TRIQK: variants seen among roughly 807,000 people sequenced by gnomAD.
TRIQK encodes the protein triple QxxK/R motif containing.
TRIQK carries 10 observed loss-of-function variants against 10.8 expected under a neutral mutation model. The observed-to-expected ratio is 0.92, with a 90% confidence interval of 0.57 to 1.57. TRIQK has a LOEUF of 1.57. TRIQK is among the 40% of genes most tolerant of loss of function. The pLI, the probability that TRIQK is intolerant of heterozygous loss-of-function variation, is 0.00. For synonymous variants in TRIQK, 33 were observed against 33.7 expected (o/e 0.98, Z 0.07); for missense variants, 107 against 97.7 (o/e 1.09, Z -0.40).
chr8:92,918,777 C>CT (rs917215014), intron 2 of TRIQK, among the ~76,000 whole-genome samples: 2 of 130,724 alleles, frequency 1.5e-5, no homozygotes, highest in Non-Finnish European at 1.7e-5. Flanking sequence ...GAGATCTTAC[C>CT]CCCCCCCACA....
chr8:92,892,179 G>C, intron 3 of TRIQK, 105 bp from the exon 4 acceptor site: 1 of 798,742 alleles, frequency 1.3e-6, no homozygotes, highest in Non-Finnish European at 1.9e-6. Flanking sequence ...ACAGGGACAC[G>C]GAGTTGCAAA....
upstream of TRIQK, among the ~76,000 whole-genome samples, chr8:92,970,913 G>A (rs1209800455): frequency 9.2e-5 from 14 of 152,052 alleles, no homozygotes; most frequent in Admixed American, 9.2e-4. Context: ...TTCTTCTAGG[G>A]TTTTTATAGT....
chr8:92,997,258 CTG>C (rs1813161709), intron 1 of TRIQK, among the ~76,000 whole-genome samples: 1 of 151,984 alleles, frequency 6.6e-6, no homozygotes, highest in Admixed American at 6.6e-5. Context: ...GGAATTCAGA[CTG>C]TGCATAGGAA....
intron 2 of TRIQK, among the ~76,000 whole-genome samples, chr8:92,951,232 A>G (rs971030053): frequency 2.6e-5 from 4 of 152,104 alleles, no homozygotes; most frequent in Non-Finnish European, 5.9e-5. Flanking sequence ...TACTAAAAAA[A>G]TCTATGATCT....
intron 3 of TRIQK, among the ~76,000 whole-genome samples, chr8:92,902,564 T>G (rs1392328120): frequency 6.6e-6 from 1 of 152,180 alleles, no homozygotes; most frequent in East Asian, 1.9e-4. Context: ...TGTTTTTTGC[T>G]TCTTATGAAG....
chr8:92,896,194 C>T (rs1808587772), intron 3 of TRIQK, among the ~76,000 whole-genome samples: 1 of 152,214 alleles, frequency 6.6e-6, no homozygotes, highest in African/African-American at 2.4e-5. Context: ...TCCAGCACAG[C>T]ACCCCTCAGC....
chr8:92,911,457 T>C (rs1253957578), intron 3 of TRIQK, among the ~76,000 whole-genome samples: 1 of 151,424 alleles, frequency 6.6e-6, no homozygotes, highest in African/African-American at 2.4e-5. Flanking sequence ...GCAAATATAT[T>C]AAACTCACCA....
At chr8:92,967,352 C>T (rs949448642), upstream of TRIQK, among the ~76,000 whole-genome samples, 5 of 151,626 alleles carry the variant, frequency 3.3e-5, no homozygotes, top group Middle Eastern at 3.4e-3. Context: ...AAATGTTCAT[C>T]GTACTGTGAT....
chr8:92,992,951 GGA>G (rs1490679503), intron 1 of TRIQK, among the ~76,000 whole-genome samples: 1 of 152,150 alleles, frequency 6.6e-6, no homozygotes, highest in Non-Finnish European at 1.5e-5. Flanking sequence ...CAACCAGTCA[GGA>G]GAAGAATTGA....
In TRIQK at chr8:92,886,674, T is replaced by C. The variant is rs1036287728; in HGVS notation, c.209A>G (p.Tyr70Cys). ...ALLLAFYAFF[Y>C]LRLTTDVDPD... ...GTCAACATCCGTGGTGAGTCTGAGATAAAAGAAAGCATAGAAAGCCAGTAG... is the reference window on the plus strand; with the variant it reads ...GTCAACATCCGTGGTGAGTCTGAGACAAAAGAAAGCATAGAAAGCCAGTAG... Residue 70 changes from tyrosine to cysteine, a missense_variant, in exon 5 of 5, where the codon TAT becomes TGT. By Grantham distance (194) the Tyr-to-Cys change is radical. Transcript: ENST00000521988. 4 of 1,531,756 alleles carry C rather than the reference T, an allele frequency of 2.6e-6. No individual in the cohort carries two copies. The highest frequency in any genetic ancestry group is 1.4e-5 in the African/African-American group (1 of 72,518). 94.9% of individuals were successfully genotyped at this position (1,531,756 alleles called of 1,614,324 possible). A position where few individuals can be genotyped will look rare whatever the true frequency, so the allele number is the denominator to read the frequency against.
intron 4 of TRIQK, among the ~76,000 whole-genome samples, chr8:92,887,604 T>C (rs1478624123): frequency 1.3e-5 from 2 of 151,522 alleles, no homozygotes; most frequent in Admixed American, 6.6e-5. Flanking sequence ...GCCAGTTCAG[T>C]ATCCTAAAGG....
chr8:92,979,375 A>G (rs1812963122), intron 1 of TRIQK, among the ~76,000 whole-genome samples: 1 of 151,984 alleles, frequency 6.6e-6, no homozygotes, highest in Admixed American at 6.6e-5. Context: ...ATATATATCC[A>G]ATGTTTTTAG....
At chr8:92,984,759 G>A (rs999836056) in intron 1 of TRIQK, among the ~76,000 whole-genome samples, 7 of 151,994 alleles carry the variant, frequency 4.6e-5, no homozygotes, top group Admixed American at 3.9e-4. Flanking sequence ...TATTATTTTA[G>A]GTAGGCTGGA....
At chr8:92,952,907 T>C (rs992716654) in intron 2 of TRIQK, among the ~76,000 whole-genome samples, 1 of 152,040 alleles carries the variant, frequency 6.6e-6, no homozygotes, top group South Asian at 2.1e-4. Context: ...TGGAAGTATA[T>C]TCAGATAAAA....
intron 2 of TRIQK, among the ~76,000 whole-genome samples, chr8:92,918,671 C>A (rs893535313): frequency 1.3e-5 from 2 of 151,902 alleles, no homozygotes; most frequent in African/African-American, 4.8e-5. Context: ...TGTAAGTTGT[C>A]TCTTCACTTT....
chr8:92,887,713 T>C (rs1816559869), intron 4 of TRIQK, among the ~76,000 whole-genome samples: 3 of 151,642 alleles, frequency 2.0e-5, no homozygotes, highest in African/African-American at 7.2e-5. Flanking sequence ...GAATATAGTT[T>C]ACATTTCACA....
chr8:93,007,319 G>T (rs1813284481), intron 1 of TRIQK, among the ~76,000 whole-genome samples: 1 of 152,120 alleles, frequency 6.6e-6, no homozygotes, highest in Non-Finnish European at 1.5e-5. Context: ...AAAACAAACA[G>T]AAAGCAACAA....
intron 1 of TRIQK, among the ~76,000 whole-genome samples, chr8:93,005,402 T>C (rs563266719): frequency 1.3e-3 from 197 of 152,218 alleles, no homozygotes; most frequent in African/African-American, 4.5e-3. Context: ...CACCTCCCAC[T>C]AGGTCCCTCT....
chr8:92,918,784 C>G (rs557380027), intron 2 of TRIQK, among the ~76,000 whole-genome samples: 6 of 150,840 alleles, frequency 4.0e-5, no homozygotes, highest in Non-Finnish European at 7.4e-5. Context: ...TACCCCCCCC[C>G]ACAATTTTTG....
Sources: allele counts gnomAD v4.1 joint callset (sites outside exome capture counted in the v4.1 genomes callset), GRCh38; gene constraint gnomAD v4.1.1; transcripts MANE v1.5; gene names NCBI Gene and HGNC (gene_info 2026-07-23, HGNC 2026-07-21).